NIBAN1: variants seen among roughly 807,000 people sequenced by gnomAD.
NIBAN1 encodes protein Niban 1.
Under a neutral mutation model 75.1 loss-of-function variants are expected in NIBAN1, and 81 were observed. The ratio of observed to expected loss-of-function variants is 1.08; its 90% CI spans 0.90 to 1.30. NIBAN1 has a LOEUF of 1.30. Among genes scored for constraint, NIBAN1 ranks in the 50% most tolerant of loss-of-function variants. The probability of loss-of-function intolerance (pLI) is 0.00; values close to 1 mark genes in which losing one functional copy is unlikely to be tolerated. For synonymous variants in NIBAN1, 436 were observed against 424.8 expected, an observed-to-expected ratio of 1.03 and a Z score of -0.32; for missense variants, 1,133 against 1,128.1, an observed-to-expected ratio of 1.00 and a Z score of -0.06.
intron 1 of NIBAN1, among the ~76,000 whole-genome samples, chr1:184,957,333 C>A (rs953823925): frequency 3.3e-5 from 5 of 152,194 alleles, no homozygotes; most frequent in Admixed American, 2.0e-4. Context: ...GCGTCCGACT[C>A]TTTCATAATG....
chr1:184,967,926 G>A (rs1397159470), intron 1 of NIBAN1, among the ~76,000 whole-genome samples: 122 of 9,324 alleles, frequency 0.013, 49 homozygotes, highest in African/African-American at 0.034. Flanking sequence ...ACTCACGGCC[G>A]GGCGCGGTGG....
chr1:184,949,773 T>C (rs1251422089), intron 1 of NIBAN1, among the ~76,000 whole-genome samples: 1 of 152,220 alleles, frequency 6.6e-6, no homozygotes, highest in Non-Finnish European at 1.5e-5. Context: ...AGGATTATGC[T>C]AAGGGGCACA....
chr1:184,801,223 T>G (rs1201997887), intron 12 of NIBAN1, among the ~76,000 whole-genome samples: 2 of 152,166 alleles, frequency 1.3e-5, no homozygotes, highest in Admixed American at 6.5e-5. Flanking sequence ...CAACTCTCAG[T>G]GCTGGGACTT....
At chr1:184,914,295 G>T (rs1419892662) in intron 1 of NIBAN1, among the ~76,000 whole-genome samples, 1 of 152,182 alleles carries the variant, frequency 6.6e-6, no homozygotes, top group Non-Finnish European at 1.5e-5. Context: ...CTTTCCTTGA[G>T]GGAATATAAC....
Position 184,837,834 on chromosome 1 carries a change from G to A in NIBAN1, c.602-5872C>T, listed in dbSNP as rs974745986. Reference sequence around the variant, plus strand: ...TTACTCTTCTTCCATATGGTAACCCGAGAAAAAAACAGTAATCAGCTGAAT... The same window carrying A: ...TTACTCTTCTTCCATATGGTAACCCAAGAAAAAAACAGTAATCAGCTGAAT... On this transcript the variant is annotated intron_variant, in intron 5 of 13. Transcript: ENST00000367511. Among the ~76,000 whole-genome samples, 4 of 151,854 alleles carry A rather than the reference G, an allele frequency of 2.6e-5. No homozygotes were observed. The South Asian group carries it at 6.2e-4, about 24-fold the overall frequency.
At chr1:184,843,096 T>G (rs1348147108) in intron 5 of NIBAN1, among the ~76,000 whole-genome samples, 2 of 152,216 alleles carry the variant, frequency 1.3e-5, no homozygotes, top group East Asian at 3.8e-4. Flanking sequence ...ACAATGAAGC[T>G]TTATCAAAAA....
intron 1 of NIBAN1, among the ~76,000 whole-genome samples, chr1:184,940,184 G>C (rs372978224): frequency 6.6e-6 from 1 of 152,114 alleles, no homozygotes; most frequent in Non-Finnish European, 1.5e-5. Flanking sequence ...AAGGACATTG[G>C]GGGTAACTGG....
rs1208679068 is a variant in NIBAN1, at chr1:184,799,980, C to T, written c.1555-1790G>A. On this transcript the variant is annotated intron_variant, in intron 12 of 13. Transcript: ENST00000367511. ...CAGGATGGTCTCGATCTCCTGACCT[C>T]GTGATCCGCCCGCCTCGGCCTCCCA... Among the ~76,000 whole-genome samples, 4 of 99,880 alleles carry T rather than the reference C, an allele frequency of 4.0e-5. 1 individual carries two copies. The East Asian group carries it at 1.0e-3, about 26-fold the overall frequency. The allele number at this position is 99,880 out of a possible 152,430, so 65.5% of individuals were successfully genotyped here.
intron 5 of NIBAN1, among the ~76,000 whole-genome samples, chr1:184,884,201 C>A (rs1015525645): frequency 1.3e-5 from 2 of 149,938 alleles, no homozygotes; most frequent in Non-Finnish European, 3.0e-5. Context: ...CCCTGGGCAG[C>A]ACCATCTGTG....
intron 1 of NIBAN1, among the ~76,000 whole-genome samples, chr1:184,929,785 T>C (rs1657775790): frequency 6.6e-6 from 1 of 152,240 alleles, no homozygotes; most frequent in Non-Finnish European, 1.5e-5. Flanking sequence ...AAAAGGGTTG[T>C]TAAAATGTAT....
At chr1:184,804,032 T>C (rs1397017594) in intron 11 of NIBAN1, among the ~76,000 whole-genome samples, 2 of 152,352 alleles carry the variant, frequency 1.3e-5, no homozygotes, top group Admixed American at 6.5e-5. Context: ...ATGGAAACCA[T>C]GATCATCTAT....
At chr1:184,836,608 C>A (rs1655152541) in intron 5 of NIBAN1, among the ~76,000 whole-genome samples, 1 of 152,126 alleles carries the variant, frequency 6.6e-6, no homozygotes, top group Non-Finnish European at 1.5e-5. Flanking sequence ...AAGAAGGAAC[C>A]AGAAGGAGAG....
chr1:184,958,639 T>C (rs897450164), intron 1 of NIBAN1, among the ~76,000 whole-genome samples: 2 of 152,228 alleles, frequency 1.3e-5, no homozygotes, highest in Non-Finnish European at 1.5e-5. Context: ...GCCTGGCACA[T>C]AGTAGGCACT....
Position 184,798,134 on chromosome 1 carries a change from A to C in NIBAN1, c.1611T>G (p.Val537=). ...GTAAAATCTCCTCATAGACATTTTC[A>C]ACGTGAATCATATTGGTATGATCTG... The part of the protein sequence containing the change: ...IFADHTNMIH[V]ENVYEEILHQ... Residue 537 remains valine (V), a synonymous_variant, in exon 13 of 14, where the codon GTT becomes GTG. Transcript: ENST00000367511. The C allele has an allele frequency of 6.2e-7, 1 of 1,612,222 alleles. No homozygotes were observed. The highest frequency in any genetic ancestry group is 8.5e-7 in the Non-Finnish European group (1 of 1,178,638).
intron 1 of NIBAN1, among the ~76,000 whole-genome samples, chr1:184,953,347 C>T (rs1216519797): frequency 1.3e-5 from 2 of 152,184 alleles, no homozygotes; most frequent in Admixed American, 1.3e-4. Context: ...ACACAGTTAA[C>T]ATTTTATGGT....
chr1:184,877,525 A>G (rs1656264262), intron 5 of NIBAN1, among the ~76,000 whole-genome samples: 1 of 152,202 alleles, frequency 6.6e-6, no homozygotes, highest in African/African-American at 2.4e-5. Context: ...AGCTCCAAGC[A>G]TGATTCCCTC....
chr1:184,834,611 T>C (rs1655088872), intron 5 of NIBAN1, among the ~76,000 whole-genome samples: 1 of 152,260 alleles, frequency 6.6e-6, no homozygotes, highest in African/African-American at 2.4e-5. Flanking sequence ...TGACCAGTGA[T>C]GATGAGCATT....
chr1:184,955,461 C>A (rs1272416186), intron 1 of NIBAN1, among the ~76,000 whole-genome samples: 3 of 151,962 alleles, frequency 2.0e-5, no homozygotes, highest in African/African-American at 7.3e-5. Flanking sequence ...GCCTCAGCCT[C>A]CCGAGTAGCT....
At chr1:184,802,746 C>T (rs938527970) in intron 12 of NIBAN1, among the ~76,000 whole-genome samples, 20 of 152,266 alleles carry the variant, frequency 1.3e-4, no homozygotes, top group East Asian at 5.8e-4. Context: ...TGCTCCAAAA[C>T]GGAGCAGGCC....
Sources: gnomAD v4.1 joint callset for allele counts (sites outside exome capture counted in the v4.1 genomes callset) on GRCh38, gnomAD v4.1.1 for gene constraint, MANE v1.5 for transcripts, NCBI Gene and HGNC (gene_info 2026-07-23, HGNC 2026-07-21) for gene names.